The following IL3RA variants were observed in gnomAD, a reference collection of about 807,000 sequenced individuals.
The protein encoded by IL3RA is interleukin 3 receptor subunit alpha.
In IL3RA, 73 loss-of-function variants were observed where a neutral mutation model predicts 52.3. That is an observed-to-expected ratio of 1.40 (90% CI 1.16 to 1.70). The LOEUF (loss-of-function observed/expected upper bound fraction) is 1.70, where lower values mean the gene tolerates loss of function less well. Ranked by LOEUF, IL3RA falls within the 40% of genes most tolerant of loss-of-function variation. The probability of loss-of-function intolerance (pLI) is 0.00; values close to 1 mark genes in which losing one functional copy is unlikely to be tolerated. For synonymous variants in IL3RA, 260 were observed against 194.0 expected (o/e 1.34, Z -2.83); for missense variants, 664 against 504.4 (o/e 1.32, Z -3.03).
intron 10 of IL3RA, among the ~76,000 whole-genome samples, chrX:1,380,609 A>G (rs2089128032): frequency 5.7e-5 from 1 of 17,432 alleles, no homozygotes; most frequent in Non-Finnish European, 9.2e-5. Context: ...AGGAGAGGGG[A>G]GGATGAGTGG....
chrX:1,358,692 G>T (rs562589377), intron 7 of IL3RA, among the ~76,000 whole-genome samples, 169 bp from the exon 8 acceptor site: 1 of 151,950 alleles, frequency 6.6e-6, no homozygotes, highest in South Asian at 2.1e-4. Context: ...TTTTGGTCAG[G>T]TGCTATTTAC....
intron 8 of IL3RA, among the ~76,000 whole-genome samples, chrX:1,362,764 C>T (rs1301737198): frequency 5.4e-5 from 7 of 130,504 alleles, no homozygotes; most frequent in African/African-American, 2.3e-4. Flanking sequence ...GCATCCGTGT[C>T]TCCTTTTTAT....
chrX:1,348,656 TTCTTTC>T (rs1302325204), intron 4 of IL3RA, 111 bp downstream of exon 4: 29 of 414,392 alleles, frequency 7.0e-5, no homozygotes, highest in African/African-American at 4.2e-4. Context: ...CTTTCTTTCT[TTCTTTC>T]TTTCTTTCTT....
chrX:1,357,984 A>G lies in IL3RA; in HGVS notation c.733-877A>G, dbSNP rs371956224. ...GCTGGGCGTGGTGGCGGGCGCCTGT[A>G]GTCCCAGCTACTTGGGAGGCTGAGG... is the stretch of plus-strand genomic sequence containing the variant. On this transcript the variant is annotated intron_variant, in intron 7 of 11. Transcript: ENST00000331035. Among the ~76,000 whole-genome samples, 50 of 151,906 alleles carry G rather than the reference A, an allele frequency of 3.3e-4. 1 individual carries two copies. Among genetic ancestry groups the G allele is most frequent in the African/African-American group, 1.1e-3 (47 of 41,466 alleles).
chrX:1,381,161 G>A (rs1226584133), intron 11 of IL3RA, 57 bp downstream of exon 11: 5 of 1,517,472 alleles, frequency 3.3e-6, no homozygotes, highest in African/African-American at 1.4e-5. Context: ...CACTTTGGGA[G>A]GCCCAGGCGG....
intron 9 of IL3RA, among the ~76,000 whole-genome samples, chrX:1,377,456 T>G (rs1416590235): frequency 2.0e-5 from 3 of 152,028 alleles, no homozygotes; most frequent in African/African-American, 4.8e-5. Flanking sequence ...TTGGCCAGGC[T>G]GGTCTCATAC....
chrX:1,343,859 G>A (rs1178387954), intron 2 of IL3RA, among the ~76,000 whole-genome samples: 15 of 147,042 alleles, frequency 1.0e-4, no homozygotes, highest in Admixed American at 3.4e-4. Flanking sequence ...GCAGTGGCAC[G>A]ATCTCAGCTC....
intron 8 of IL3RA, among the ~76,000 whole-genome samples, chrX:1,360,877 C>G (rs2087227220): frequency 6.8e-6 from 1 of 146,258 alleles, no homozygotes; most frequent in Non-Finnish European, 1.5e-5. Flanking sequence ...CCCTTCCCCT[C>G]TCTGTCTCTC....
rs2086311041 is a variant in IL3RA at position 1,353,598 on chromosome X, CCCA to C, written c.616+1093_616+1095del. ...CCATCATGGGTTCCACATGGGATCC[CCCA>C]TCATAGGTCCCATCATGGGTCATGG... On this transcript the variant is annotated intron_variant, in intron 6 of 11. Coordinates refer to ENST00000331035, the MANE Select transcript of IL3RA (RefSeq NM_002183.4). 3.5e-5 allele frequency among the ~76,000 whole-genome samples: 5 copies of C among 142,958 alleles called. 2 individuals are homozygous for C. Among genetic ancestry groups the C allele is most frequent in the Non-Finnish European group, 6.1e-5 (4 of 66,052 alleles). The allele number at this position is 142,958 out of a possible 152,430, so 93.8% of individuals were successfully genotyped here. A position where few individuals can be genotyped will look rare whatever the true frequency, so the allele number is the denominator to read the frequency against.
Position 1,363,456 on chromosome X carries a change from G to A in IL3RA, c.760-1682G>A, listed in dbSNP as rs776618081. On this transcript the variant is annotated intron_variant, in intron 8 of 11. Coordinates refer to ENST00000331035, the MANE Select transcript of IL3RA (RefSeq NM_002183.4). ...GCTGGGACCTCAGGCGCCCGCCACC[G>A]GGCCCGGCTAATTTTTTGTATTTTT... is the stretch of plus-strand genomic sequence containing the variant. 1.9e-3 allele frequency among the ~76,000 whole-genome samples: 291 copies of A among 151,518 alleles called. 1 individual carries two copies. Among genetic ancestry groups the A allele is most frequent in the African/African-American group, 3.0e-3 (124 of 41,354 alleles).
At chrX:1,348,723 CCTTT>C (rs1381019552) in intron 4 of IL3RA, among the ~76,000 whole-genome samples, 178 bp downstream of exon 4, 13 of 57,096 alleles carry the variant, frequency 2.3e-4, no homozygotes, top group South Asian at 9.7e-4. Flanking sequence ...TTTCTTTCTT[CCTTT>C]CTTTTTCTTT....
intron 8 of IL3RA, among the ~76,000 whole-genome samples, chrX:1,361,470 C>T (rs1309547520): frequency 1.3e-5 from 2 of 152,014 alleles, no homozygotes; most frequent in African/African-American, 4.8e-5. Context: ...ATGAGACAGT[C>T]GCCGGGCGCA....
chrX:1,356,259 A>C lies in IL3RA; in HGVS notation c.655A>C (p.Lys219Gln), dbSNP rs1293892500. Residue 219 changes from lysine (K) to glutamine (Q), a missense_variant, in exon 7 of 12, where the codon AAG becomes CAG. By Grantham distance (53) the Lys-to-Gln change is moderately conservative. Transcript: ENST00000331035. The stretch of plus-strand genomic sequence containing the variant: ...ACCCAACATGACTGCAAAGTGTAAT[A>C]AGACACATTCCTTTATGCACTGGAA... ...TPPNMTAKCN[K>Q]THSFMHWKMR... 1.2e-6 allele frequency: 2 copies of C among 1,613,462 alleles called. No homozygotes were observed. The highest frequency in any genetic ancestry group is 2.2e-5 in the East Asian group (1 of 44,890).
At chrX:1,377,083 C>G (rs868583372) in intron 9 of IL3RA, among the ~76,000 whole-genome samples, 2,966 of 123,100 alleles carry the variant, frequency 0.024, 75 homozygotes, top group East Asian at 0.13. Flanking sequence ...AGACACACAC[C>G]AAGGGACAAC....
chrX:1,381,016 C>G lies in IL3RA; in HGVS notation c.981-7C>G. The G allele has an allele frequency of 1.9e-6, 3 of 1,613,382 alleles. No individual in the cohort carries two copies. The highest frequency in any genetic ancestry group is 2.5e-6 in the Non-Finnish European group (3 of 1,179,348). ...TTCAGAGCTGGGCCATTTCTCTTTC[C>G]TCCGAGGTATCTGGTGATGCAGAGA... On this transcript the variant is annotated splice_region_variant and splice_polypyrimidine_tract_variant and intron_variant, in intron 10 of 11. Coordinates refer to ENST00000331035, the MANE Select transcript of IL3RA (RefSeq NM_002183.4).
intron 8 of IL3RA, among the ~76,000 whole-genome samples, chrX:1,363,293 T>A (rs377086254): frequency 4.7e-5 from 7 of 147,706 alleles, no homozygotes. Context: ...ATATGAATGG[T>A]CTTTTCTTCT....
At position 1,381,078 on chromosome X, in the gene IL3RA, G is replaced by C; in HGVS notation, c.1036G>C (p.Gly346Arg). ...PRIPHMKDPI[G>R]DSFQNDKLVV... ...CATCCCTCACATGAAAGACCCCATC[G>C]GTGACAGCTTCCAAAACGACAAGCT... The change falls in exon 11 of 12, where the codon GGT (glycine) becomes CGT (arginine). Residue 346 changes from glycine to arginine, a missense_variant. Coordinates refer to ENST00000331035, the MANE Select transcript of IL3RA (RefSeq NM_002183.4). The C allele has an allele frequency of 6.2e-7, 1 of 1,613,854 alleles. No homozygotes were observed. Among genetic ancestry groups the C allele is most frequent in the Non-Finnish European group, 8.5e-7 (1 of 1,179,828 alleles).
chrX:1,349,611 C>T (rs1465414556), intron 4 of IL3RA, among the ~76,000 whole-genome samples: 5 of 152,026 alleles, frequency 3.3e-5, no homozygotes, highest in Non-Finnish European at 5.9e-5. Context: ...CACGCCTGGC[C>T]TCTTCTTTGT....
At position 1,373,832 on chromosome X, in the gene IL3RA, T is replaced by G. The variant is rs1239435293; in HGVS notation, c.875-4827T>G. ...ACAGACACACACGGAGGAACAACCC[T>G]GTGAGGACACAGGGAGAAGACGGCA... On this transcript the variant is annotated intron_variant, in intron 9 of 11. Coordinates refer to ENST00000331035, the MANE Select transcript of IL3RA (RefSeq NM_002183.4). Among the ~76,000 whole-genome samples the G allele has an allele frequency of 2.7e-5, 2 of 73,862 alleles. 1 individual carries two copies. The highest frequency in any genetic ancestry group is 2.7e-4 in the African/African-American group (2 of 7,530). 48.5% of individuals were successfully genotyped at this position (73,862 alleles called of 152,430 possible).
Sources: gnomAD v4.1 joint callset for allele counts (sites outside exome capture counted in the v4.1 genomes callset) on GRCh38, gnomAD v4.1.1 for gene constraint, MANE v1.5 for transcripts, NCBI Gene and HGNC (gene_info 2026-07-23, HGNC 2026-07-21) for gene names.